The following PCDHGB5 variants were observed in gnomAD, a reference collection of about 807,000 sequenced individuals.
PCDHGB5 encodes the protein protocadherin gamma subfamily B, 5.
PCDHGB5 carries 48 observed loss-of-function variants against 62.9 expected under a neutral mutation model. The ratio of observed to expected loss-of-function variants is 0.76; its 90% CI spans 0.61 to 0.97. PCDHGB5 has a LOEUF of 0.97. Among genes scored for constraint, PCDHGB5 ranks in the 50% least tolerant of loss-of-function variants. The pLI is 0.00. For missense variants in PCDHGB5, 1,118 were observed against 1,198.6 expected (o/e 0.93, Z 0.99); for synonymous variants, 474 against 511.2 (o/e 0.93, Z 0.98).
At chr5:141,418,478 G>T (rs777772131) in intron 1 of PCDHGB5, 1 of 1,613,858 alleles carries the variant, frequency 6.2e-7, no homozygotes, top group Non-Finnish European at 8.5e-7. Flanking sequence ...AACGCAGAGC[G>T]CTCACCACTT....
At chr5:141,436,104 G>A (rs368559994) in intron 1 of PCDHGB5, among the ~76,000 whole-genome samples, 10 of 152,086 alleles carry the variant, frequency 6.6e-5, no homozygotes, top group East Asian at 3.9e-4. Flanking sequence ...AGAAATAGAG[G>A]ACAATGAAAC....
intron 1 of PCDHGB5, among the ~76,000 whole-genome samples, chr5:141,451,724 A>G (rs2098722682): frequency 6.6e-6 from 1 of 152,170 alleles, no homozygotes; most frequent in Non-Finnish European, 1.5e-5. Context: ...TCTACTAAAA[A>G]TACAAAAATT....
intron 1 of PCDHGB5, among the ~76,000 whole-genome samples, chr5:141,459,059 A>G (rs1219921155): frequency 2.6e-5 from 4 of 152,228 alleles, no homozygotes; most frequent in African/African-American, 4.8e-5. Context: ...AGTATAATTT[A>G]TATAACATAA....
chr5:141,399,708 A>C lies in PCDHGB5; in HGVS notation c.1581A>C (p.Thr527=), dbSNP rs769072460. The change falls in exon 1 of 4, where the codon ACA becomes ACC. Residue 527 remains threonine (T), a synonymous_variant. Transcript: ENST00000617380. ...DYEQLRTFEL[T]LQARDQGSPA... ...AGCAGCTGCGCACCTTCGAACTCAC[A>C]CTACAGGCCCGCGACCAGGGCTCGC... 50 of 1,613,374 alleles carry C rather than the reference A, an allele frequency of 3.1e-5. No homozygotes were observed. Among genetic ancestry groups the C allele is most frequent in the Non-Finnish European group, 4.2e-5 (50 of 1,179,870 alleles).
Position 141,431,991 on chromosome 5 carries a change from A to G in PCDHGB5, c.2397+31467A>G. 1.2e-6 allele frequency: 2 copies of G among 1,614,218 alleles called. No individual in the cohort carries two copies. The highest frequency in any genetic ancestry group is 1.7e-6 in the Non-Finnish European group (2 of 1,180,042). On this transcript the variant is annotated intron_variant, in intron 1 of 3. Transcript: ENST00000617380. The surrounding 1 kb of genome is among the most constrained non-coding windows in gnomAD (Gnocchi z 4.8). The stretch of plus-strand genomic sequence containing the variant: ...AGTTTAGTCACAGACATAGTCTTGG[A>G]TAGGGAACAGGTTCCTAGCTACAAC...
At chr5:141,488,268 C>T (rs1371050827) in intron 1 of PCDHGB5, among the ~76,000 whole-genome samples, 1 of 152,170 alleles carries the variant, frequency 6.6e-6, no homozygotes, top group East Asian at 1.9e-4. Context: ...GCGGGTTGGT[C>T]ATCACCTTTG....
chr5:141,407,704 T>C (rs977444941), intron 1 of PCDHGB5, among the ~76,000 whole-genome samples: 5 of 152,144 alleles, frequency 3.3e-5, no homozygotes, highest in Admixed American at 1.3e-4. Context: ...TTGTTGAAGG[T>C]GGGGTGATGG....
rs2099884522 is a variant in PCDHGB5, at chr5:141,512,941, T to C, written c.*1768T>C. On this transcript the variant is annotated 3_prime_UTR_variant, in exon 4 of 4. Transcript: ENST00000617380. ...CTAATATTTATATGGCTTTTTTTCT[T>C]CGACAAAAAAATAATAAAACGTTTC... The C allele has an allele frequency of 6.6e-6, 1 of 151,892 alleles. No individual in the cohort carries two copies. The highest frequency in any genetic ancestry group is 6.6e-5 in the Admixed American group (1 of 15,236). The allele number at this position is 151,892 out of a possible 1,614,324, so 9.4% of individuals were successfully genotyped here.
At chr5:141,430,680 C>T (rs990086941) in intron 1 of PCDHGB5, 1 of 1,343,242 alleles carries the variant, frequency 7.4e-7, no homozygotes, top group Non-Finnish European at 1.0e-6. Flanking sequence ...TCCCAACTGT[C>T]CCATTCTATG....
rs773126086 is a variant in PCDHGB5 at position 141,487,392 on chromosome 5, G to C, written c.2398-7415G>C. The C allele has an allele frequency of 6.2e-7, 1 of 1,614,176 alleles. No homozygotes were observed. Among genetic ancestry groups the C allele is most frequent in the Non-Finnish European group, 8.5e-7 (1 of 1,180,024 alleles). ...GCCTGTCTCACCAGATCTCGAAGGA[G>C]GGAGGGGCTTCCCCCTTCCAATGGG... On this transcript the variant is annotated intron_variant, in intron 1 of 3. Coordinates refer to ENST00000617380, the MANE Select transcript of PCDHGB5 (RefSeq NM_018925.3). This position sits in a 1 kb window ranked among gnomAD's most constrained non-coding sequence, Gnocchi z 5.0.
intron 2 of PCDHGB5, among the ~76,000 whole-genome samples, chr5:141,496,186 G>A (rs879940448): frequency 2.0e-5 from 3 of 152,018 alleles, no homozygotes; most frequent in Non-Finnish European, 4.4e-5. Flanking sequence ...AGCAGCCCCA[G>A]CTGCTCATTT....
chr5:141,511,003 G>T lies in PCDHGB5; in HGVS notation c.2602G>T (p.Ala868Ser), dbSNP rs114669158. ...GGGAGTMGLS[A>S]RYGPQFTLQH... The stretch of plus-strand genomic sequence containing the variant: ...GGGTGCCGGCACCATGGGATTGAGC[G>T]CCCGCTACGGACCCCAGTTCACCCT... Residue 868 changes from alanine to serine, a missense_variant, in exon 4 of 4, where the codon GCC (alanine) becomes TCC (serine). Coordinates refer to ENST00000617380, the MANE Select transcript of PCDHGB5 (RefSeq NM_018925.3). 2 of 1,614,032 alleles carry T rather than the reference G, an allele frequency of 1.2e-6. No individual in the cohort carries two copies. Among genetic ancestry groups the T allele is most frequent in the Non-Finnish European group, 1.7e-6 (2 of 1,180,020 alleles).
intron 1 of PCDHGB5, chr5:141,410,427 A>G (rs746046310): frequency 1.4e-5 from 22 of 1,613,832 alleles, no homozygotes; most frequent in East Asian, 1.1e-4. Flanking sequence ...GTTCCCCCCA[A>G]CTACAGTGAG....
chr5:141,448,788 A>C (rs865953914), intron 1 of PCDHGB5, among the ~76,000 whole-genome samples: 3 of 151,964 alleles, frequency 2.0e-5, no homozygotes, highest in South Asian at 2.1e-4. Flanking sequence ...AAAATACAAA[A>C]AAAAAAATTA....
chr5:141,417,954 C>G, intron 1 of PCDHGB5: 2 of 1,613,600 alleles, frequency 1.2e-6, no homozygotes, highest in South Asian at 1.1e-5. Flanking sequence ...CTGTGTGAGC[C>G]GATCCGCTAC....
intron 1 of PCDHGB5, chr5:141,411,549 A>G (rs1169343676): frequency 6.6e-6 from 1 of 152,210 alleles, no homozygotes; most frequent in African/African-American, 2.4e-5. Flanking sequence ...TTGCCACTGC[A>G]CTCCAGCCTG....
Position 141,477,197 on chromosome 5 carries a change from G to C in PCDHGB5, c.2398-17610G>C, listed in dbSNP as rs781504885. 6.2e-7 allele frequency: 1 copy of C among 1,614,210 alleles called. No homozygotes were observed. Among genetic ancestry groups the C allele is most frequent in the South Asian group, 1.1e-5 (1 of 91,082 alleles). On this transcript the variant is annotated intron_variant, in intron 1 of 3. Transcript: ENST00000617380. The surrounding 1 kb of genome is among the most constrained non-coding windows in gnomAD (Gnocchi z 4.9). ...CACAGTCACCTCCGTGTACAGCCCA[G>C]TACCCGAGGATGCCCCTCTGGGGAC...
At chr5:141,420,386 AT>A (rs2096493306) in intron 1 of PCDHGB5, 1 of 1,284,798 alleles carries the variant, frequency 7.8e-7, no homozygotes, top group African/African-American at 1.5e-5. Flanking sequence ...AGTTCGCAAA[AT>A]ATAGGTCAAA....
At chr5:141,501,583 T>C (rs1270487304) in intron 2 of PCDHGB5, among the ~76,000 whole-genome samples, 1 of 152,054 alleles carries the variant, frequency 6.6e-6, no homozygotes, top group Non-Finnish European at 1.5e-5. Context: ...GGCTTTCAGG[T>C]TGCAACTCTA....
Sources: allele counts gnomAD v4.1 joint callset (sites outside exome capture counted in the v4.1 genomes callset), GRCh38; gene constraint gnomAD v4.1.1; non-coding constraint Gnocchi (gnomAD v3.1); transcripts MANE v1.5; gene names NCBI Gene and HGNC (gene_info 2026-07-23, HGNC 2026-07-21).